GPR158: variants seen among roughly 807,000 people sequenced by gnomAD.
The protein encoded by GPR158 is metabotropic glycine receptor.
A neutral mutation model predicts 78.2 loss-of-function variants in GPR158; 30 were observed. The observed-to-expected ratio is 0.38, with a 90% CI of 0.29 to 0.52. The LOEUF is 0.52. Among genes scored for constraint, GPR158 ranks in the 20% least tolerant of loss-of-function variants. The probability of loss-of-function intolerance (pLI) is 0.83; values close to 1 mark genes in which losing one functional copy is unlikely to be tolerated. For missense variants in GPR158, 1,463 were observed against 1,523.5 expected (o/e 0.96, Z 0.66); for synonymous variants, 581 against 591.1 (o/e 0.98, Z 0.25).
intron 2 of GPR158, among the ~76,000 whole-genome samples, chr10:25,348,396 GACACACACACACACACAC>G (rs34088676): frequency 7.1e-6 from 1 of 141,788 alleles, no homozygotes; most frequent in South Asian, 2.3e-4. Context: ...TAGGAAGAAA[GACACACACACACACACAC>G]ACACACACAC....
intron 7 of GPR158, among the ~76,000 whole-genome samples, chr10:25,579,222 TTTTG>T: frequency 6.6e-6 from 1 of 152,192 alleles, no homozygotes; most frequent in Non-Finnish European, 1.5e-5. Flanking sequence ...GTTCAGGATT[TTTTG>T]CAATCACATT....
At chr10:25,457,339 T>C (rs1489371032) in intron 4 of GPR158, among the ~76,000 whole-genome samples, 1 of 151,900 alleles carries the variant, frequency 6.6e-6, no homozygotes, top group Non-Finnish European at 1.5e-5. Context: ...CAAATGCCAT[T>C]GCTTGTTTCC....
chr10:25,494,797 A>G (rs945462810), intron 5 of GPR158, among the ~76,000 whole-genome samples: 2 of 151,916 alleles, frequency 1.3e-5, no homozygotes, highest in Non-Finnish European at 2.9e-5. Flanking sequence ...AAATACATGG[A>G]CTCTTTTAAG....
intron 1 of GPR158, among the ~76,000 whole-genome samples, chr10:25,205,263 T>G (rs1853007015): frequency 6.7e-6 from 1 of 149,134 alleles, no homozygotes; most frequent in South Asian, 2.1e-4. Context: ...TTGTGTTTAT[T>G]TGGATCTTCT....
At chr10:25,270,089 T>C (rs1227133374) in intron 2 of GPR158, among the ~76,000 whole-genome samples, 3 of 152,158 alleles carry the variant, frequency 2.0e-5, no homozygotes, top group Non-Finnish European at 4.4e-5. Context: ...TGATGGTTGC[T>C]GTAGACCTTG....
At chr10:25,220,691 A>G (rs1853287933) in intron 1 of GPR158, among the ~76,000 whole-genome samples, 2 of 152,346 alleles carry the variant, frequency 1.3e-5, no homozygotes, top group African/African-American at 2.4e-5. Flanking sequence ...ATTTTAATTT[A>G]CTTTACTAGA....
At chr10:25,389,946 T>C (rs753574893) in intron 2 of GPR158, among the ~76,000 whole-genome samples, 1 of 152,192 alleles carries the variant, frequency 6.6e-6, no homozygotes, top group Non-Finnish European at 1.5e-5. Flanking sequence ...GGTAATTGAA[T>C]CATGGGAGCA....
At chr10:25,442,137 A>G (rs562926358) in intron 4 of GPR158, among the ~76,000 whole-genome samples, 2 of 152,282 alleles carry the variant, frequency 1.3e-5, no homozygotes, top group South Asian at 4.1e-4. Context: ...TGATTAAACT[A>G]CTCTGGGTGT....
intron 2 of GPR158, among the ~76,000 whole-genome samples, chr10:25,316,753 A>G (rs951969899): frequency 2.0e-5 from 3 of 152,212 alleles, no homozygotes; most frequent in Non-Finnish European, 2.9e-5. Context: ...AATATCAAAG[A>G]AAATCACATA....
At position 25,176,963 on chromosome 10, in the gene GPR158, C is replaced by T. The variant is rs1852545867; in HGVS notation, c.902+641C>T. 6.6e-6 allele frequency among the ~76,000 whole-genome samples: 1 copy of T among 152,164 alleles called. No individual in the cohort carries two copies. On this transcript the variant is annotated intron_variant, in intron 1 of 10. Coordinates refer to ENST00000376351, the MANE Select transcript of GPR158 (RefSeq NM_020752.3). The surrounding 1 kb of genome is among the most constrained non-coding windows in gnomAD (Gnocchi z 6.3). ...CAGCTTGGTCAGGGTGCTCCTTCTA[C>T]CGGTCTCCCCTCTCCCCGCAATTGA...
intron 5 of GPR158, among the ~76,000 whole-genome samples, chr10:25,483,432 C>A (rs1001526003): frequency 5.3e-5 from 8 of 152,110 alleles, no homozygotes; most frequent in Non-Finnish European, 1.0e-4. Flanking sequence ...ACCCCGACTA[C>A]CCGACTTTAA....
chr10:25,563,567 C>T (rs913763583), intron 6 of GPR158, among the ~76,000 whole-genome samples: 1 of 152,010 alleles, frequency 6.6e-6, no homozygotes, highest in Non-Finnish European at 1.5e-5. Flanking sequence ...TTTTGATTCC[C>T]TTCTTGTTTA....
chr10:25,565,279 C>T (rs1015991006), intron 6 of GPR158, among the ~76,000 whole-genome samples: 2 of 152,108 alleles, frequency 1.3e-5, no homozygotes, highest in African/African-American at 4.8e-5. Flanking sequence ...TATAAGGGTA[C>T]AGGAAATACC....
intron 7 of GPR158, among the ~76,000 whole-genome samples, chr10:25,575,379 G>T (rs895999058): frequency 6.6e-6 from 1 of 152,020 alleles, no homozygotes; most frequent in African/African-American, 2.4e-5. Flanking sequence ...CCAAATTCAG[G>T]GGTTTGGGAG....
At chr10:25,188,154 A>C (rs1300147010) in intron 1 of GPR158, among the ~76,000 whole-genome samples, 1 of 152,222 alleles carries the variant, frequency 6.6e-6, no homozygotes, top group Non-Finnish European at 1.5e-5. Context: ...AAATGGAAGA[A>C]CATTCCATGC....
At chr10:25,459,786 ATTGACT>A (rs1835333680) in intron 4 of GPR158, among the ~76,000 whole-genome samples, 1 of 152,172 alleles carries the variant, frequency 6.6e-6, no homozygotes, top group Non-Finnish European at 1.5e-5. Context: ...GAATTTAGAA[ATTGACT>A]TTGATGTAAT....
At chr10:25,458,163 C>G (rs960678566) in intron 4 of GPR158, among the ~76,000 whole-genome samples, 1 of 151,858 alleles carries the variant, frequency 6.6e-6, no homozygotes, top group Non-Finnish European at 1.5e-5. Flanking sequence ...AACTGTTCAC[C>G]TATAAATTAT....
At chr10:25,330,022 T>TG (rs1475846584) in intron 2 of GPR158, among the ~76,000 whole-genome samples, 1 of 151,676 alleles carries the variant, frequency 6.6e-6, no homozygotes, top group African/African-American at 2.4e-5. Flanking sequence ...TTCTTTTTTT[T>TG]TTTTGTTATA....
intron 5 of GPR158, among the ~76,000 whole-genome samples, chr10:25,534,442 C>T (rs7097106): frequency 0.41 from 62,551 of 151,698 alleles, 13,108 homozygotes; most frequent in East Asian, 0.56. Flanking sequence ...TTCGAGACCA[C>T]CCTGGCTAAC....
Sources: gnomAD v4.1 joint callset for allele counts (sites outside exome capture counted in the v4.1 genomes callset) on GRCh38, gnomAD v4.1.1 for gene constraint, Gnocchi (gnomAD v3.1) non-coding constraint, MANE v1.5 for transcripts, NCBI Gene and HGNC (gene_info 2026-07-23, HGNC 2026-07-21) for gene names.